Variants in AHDC1 observed in about 807,000 individuals in gnomAD.
The protein encoded by AHDC1 is AT-hook DNA binding motif containing 1.
A neutral mutation model predicts 87.9 loss-of-function variants in AHDC1; 7 were observed. That is an observed-to-expected ratio of 0.08 (90% CI 0.05 to 0.15). The LOEUF is 0.15. Ranked by LOEUF, AHDC1 falls within the 10% of genes least tolerant of loss-of-function variation. The pLI is 1.00. For missense variants in AHDC1, 1,841 were observed against 2,253.2 expected (o/e 0.82, Z 3.70); for synonymous variants, 1,051 against 1,006.8 (o/e 1.04, Z -0.83).
chr1:27,557,122 C>T (rs1455931133), intron 5 of AHDC1, among the ~76,000 whole-genome samples: 2 of 151,154 alleles, frequency 1.3e-5, no homozygotes, highest in East Asian at 4.0e-4. Context: ...GCCCCAGAAC[C>T]GCCCCCTGCC....
intron 8 of AHDC1, among the ~76,000 whole-genome samples, chr1:27,544,535 G>A (rs1057275733): frequency 2.6e-5 from 4 of 152,184 alleles, no homozygotes; most frequent in African/African-American, 4.8e-5. Flanking sequence ...AGTGCCTGGC[G>A]TCAAAACTGC....
chr1:27,599,057 A>G (rs1466107778), intron 3 of AHDC1, among the ~76,000 whole-genome samples: 1 of 152,116 alleles, frequency 6.6e-6, no homozygotes, highest in Non-Finnish European at 1.5e-5. Flanking sequence ...CCCTCCTGAG[A>G]CCCTGGGGTA....
intron 8 of AHDC1, among the ~76,000 whole-genome samples, chr1:27,540,194 A>G (rs1234328084): frequency 6.6e-6 from 1 of 152,086 alleles, no homozygotes; most frequent in African/African-American, 2.4e-5. Context: ...CCCTCTTTGT[A>G]AACTGGATGG....
In AHDC1 at chr1:27,551,662, G is replaced by A; in HGVS notation, c.454C>T (p.Leu152=). 1 of 1,613,680 alleles carries A rather than the reference G, an allele frequency of 6.2e-7. No homozygotes were observed. Among genetic ancestry groups the A allele is most frequent in the Non-Finnish European group, 8.5e-7 (1 of 1,179,896 alleles). ...GGTGGCGGTGCAGGCGGGCGGCTCA[G>A]TCGGAGCCCACCACAGTCCAGGTGT... ...GVHLDCGGLR[L]SRPPAPPPGD... Residue 152 remains leucine, a synonymous_variant, in exon 8 of 9, where the codon CTG becomes TTG. Transcript: ENST00000673934.
intron 3 of AHDC1, among the ~76,000 whole-genome samples, chr1:27,597,435 C>T (rs1317444980): frequency 2.0e-5 from 3 of 151,640 alleles, no homozygotes; most frequent in African/African-American, 7.3e-5. Context: ...GTGGGGGCTG[C>T]GTTTATACGA....
In AHDC1 at chr1:27,558,807, C is replaced by T. The variant is rs1571262238; in HGVS notation, c.-552G>A. Reference sequence around the variant, plus strand: ...AACGGCCTGAGCGTCGCCCCGCACTCGGGGCCCTCTGCACACGCTCAACTG... The same window carrying T: ...AACGGCCTGAGCGTCGCCCCGCACTTGGGGCCCTCTGCACACGCTCAACTG... On this transcript the variant is annotated 5_prime_UTR_variant, in exon 4 of 9. Transcript: ENST00000673934. The surrounding 1 kb of genome is among the most constrained non-coding windows in gnomAD (Gnocchi z 5.6). 3 of 398,716 alleles carry T rather than the reference C, an allele frequency of 7.5e-6. No homozygotes were observed. Among genetic ancestry groups the T allele is most frequent in the South Asian group, 1.3e-4 (1 of 7,862 alleles). The allele number at this position is 398,716 out of a possible 1,614,324, so 24.7% of individuals were successfully genotyped here.
At chr1:27,544,730 C>G (rs997136882) in intron 8 of AHDC1, among the ~76,000 whole-genome samples, 1 of 152,176 alleles carries the variant, frequency 6.6e-6, no homozygotes, top group Non-Finnish European at 1.5e-5. Context: ...GCCTGTGGGT[C>G]ATCTTAGATA....
chr1:27,596,123 G>A (rs1004183884), intron 3 of AHDC1, among the ~76,000 whole-genome samples: 3 of 152,028 alleles, frequency 2.0e-5, no homozygotes, highest in South Asian at 2.1e-4. Context: ...CCTTTGCTCC[G>A]GGGCCTAACT....
chr1:27,552,814 G>A (rs2019639665), intron 7 of AHDC1, 78 bp downstream of exon 7: 1 of 152,728 alleles, frequency 6.5e-6, no homozygotes, highest in African/African-American at 2.4e-5. Flanking sequence ...TTAAGGAGAA[G>A]GCCAGGAAGT....
chr1:27,566,453 G>C (rs2020317858), intron 3 of AHDC1, among the ~76,000 whole-genome samples: 1 of 151,964 alleles, frequency 6.6e-6, no homozygotes, highest in Non-Finnish European at 1.5e-5. Context: ...CACGCACAGG[G>C]GGGAAGAGAT....
chr1:27,537,136 G>A (rs2018676840), intron 8 of AHDC1, among the ~76,000 whole-genome samples: 3 of 152,152 alleles, frequency 2.0e-5, no homozygotes, highest in Admixed American at 2.0e-4. Context: ...AAGCCCAAAA[G>A]CCCCAGGGTT....
At chr1:27,589,309 G>A (rs1236788316) in intron 3 of AHDC1, among the ~76,000 whole-genome samples, 2 of 152,170 alleles carry the variant, frequency 1.3e-5, no homozygotes, top group East Asian at 1.9e-4. Flanking sequence ...GGGTGTGCAC[G>A]CCTGTGCTCG....
chr1:27,556,308 C>G (rs1044026515), intron 5 of AHDC1, among the ~76,000 whole-genome samples: 1 of 150,920 alleles, frequency 6.6e-6, no homozygotes, highest in East Asian at 2.0e-4. Flanking sequence ...GACCCTCTCT[C>G]CAGCTTGCAC....
intron 3 of AHDC1, among the ~76,000 whole-genome samples, chr1:27,577,483 T>A (rs2088788339): frequency 6.6e-6 from 1 of 151,910 alleles, no homozygotes; most frequent in Non-Finnish European, 1.5e-5. Context: ...AATTCTAGAC[T>A]CAGCCTAGCC....
chr1:27,551,737 T>C lies in AHDC1; in HGVS notation c.379A>G (p.Ile127Val). The stretch of plus-strand genomic sequence containing the variant: ...GAGAGGCGTGTCAGGTCCTTCATGA[T>C]GTCAATCAGCTGCACCACTGGTCGC... ...NLRPVVQLIDIMKDLTRLSQD... is the reference protein window; with the variant it reads ...NLRPVVQLIDVMKDLTRLSQD... Residue 127 changes from isoleucine to valine, a missense_variant, in exon 8 of 9, where the codon ATC becomes GTC. By Grantham distance (29) the Ile-to-Val change is conservative. Transcript: ENST00000673934. 6.2e-7 allele frequency: 1 copy of C among 1,613,672 alleles called. No homozygotes were observed. The highest frequency in any genetic ancestry group is 8.5e-7 in the Non-Finnish European group (1 of 1,179,924).
At chr1:27,602,138 C>A (rs1220596613) in intron 3 of AHDC1, among the ~76,000 whole-genome samples, 1 of 152,118 alleles carries the variant, frequency 6.6e-6, no homozygotes, top group Non-Finnish European at 1.5e-5. Flanking sequence ...GGTGCAGAAC[C>A]GAGGGCACCA....
chr1:27,545,269 T>G (rs1043231078), intron 8 of AHDC1, among the ~76,000 whole-genome samples: 3 of 152,158 alleles, frequency 2.0e-5, no homozygotes, highest in Non-Finnish European at 4.4e-5. Flanking sequence ...ATTTGTGGTG[T>G]TCACTGTGGT....
rs375964883 is a variant in AHDC1 at position 27,547,850 on chromosome 1, G to C, written c.4266C>G (p.Cys1422Trp). The change falls in exon 8 of 9, where the codon TGC (cysteine) becomes TGG (tryptophan). Residue 1422 changes from cysteine (C) to tryptophan (W), a missense_variant. Coordinates refer to ENST00000673934, the MANE Select transcript of AHDC1 (RefSeq NM_001371928.1). The surrounding 1 kb of genome is among the most constrained non-coding windows in gnomAD (Gnocchi z 4.9). Reference protein sequence around the residue: ...LRPPPTKLAACEPLKHGLQGA... With the variant: ...LRPPPTKLAAWEPLKHGLQGA... ...CCTGGAGTCCATGCTTGAGGGGCTCGCAGGCAGCCAGCTTTGTGGGCGGTG... is the reference window on the plus strand; with the variant it reads ...CCTGGAGTCCATGCTTGAGGGGCTCCCAGGCAGCCAGCTTTGTGGGCGGTG... 6.5e-7 allele frequency: 1 copy of C among 1,547,822 alleles called. No homozygotes were observed. The highest frequency in any genetic ancestry group is 2.3e-5 in the East Asian group (1 of 44,212).
intron 3 of AHDC1, among the ~76,000 whole-genome samples, chr1:27,568,518 C>G (rs1176559730): frequency 6.6e-6 from 1 of 152,176 alleles, no homozygotes; most frequent in African/African-American, 2.4e-5. Context: ...TAGGCCGGCC[C>G]TGCCTTTTCC....
Sources: allele counts gnomAD v4.1 joint callset (sites outside exome capture counted in the v4.1 genomes callset), GRCh38; gene constraint gnomAD v4.1.1; non-coding constraint Gnocchi (gnomAD v3.1); transcripts MANE v1.5; gene names NCBI Gene and HGNC (gene_info 2026-07-23, HGNC 2026-07-21).